Variants in FAM228B observed in about 807,000 individuals in gnomAD.
The protein encoded by FAM228B is family with sequence similarity 228 member B.
FAM228B carries 38 observed loss-of-function variants against 42.6 expected under a neutral mutation model. The observed-to-expected ratio is 0.89, with a 90% CI of 0.69 to 1.17. The LOEUF (loss-of-function observed/expected upper bound fraction) is 1.17. Ranked by LOEUF, FAM228B falls within the 50% of genes most tolerant of loss-of-function variation. The probability of loss-of-function intolerance (pLI) is 0.00; values close to 1 mark genes in which losing one functional copy is unlikely to be tolerated. For missense variants in FAM228B, 344 were observed against 367.3 expected, an observed-to-expected ratio of 0.94 and a Z score of 0.52; for synonymous variants, 109 against 122.3, an observed-to-expected ratio of 0.89 and a Z score of 0.72.
rs4149371 is a variant in FAM228B, at chr2:24,084,905, C to T, written c.-210+3950C>T. On this transcript the variant is annotated intron_variant, in intron 2 of 10. Transcript: ENST00000613899. This position sits in a 1 kb window ranked among gnomAD's most constrained non-coding sequence, Gnocchi z 8.4. ...GGGGCTAAGCAGAACCACCCTCCCC[C>T]TCTTTCCTTTCCTCCTTCCCCCTTT... 0.043 allele frequency: 6,550 copies of T among 152,670 alleles called. 214 individuals carry two copies. The highest frequency in any genetic ancestry group is 0.074 in the East Asian group (383 of 5,176). 9.5% of individuals were successfully genotyped at this position (152,670 alleles called of 1,614,324 possible).
At chr2:24,153,450 A>G (rs1303735794) in intron 7 of FAM228B, among the ~76,000 whole-genome samples, 1 of 152,184 alleles carries the variant, frequency 6.6e-6, no homozygotes, top group African/African-American at 2.4e-5. Context: ...AAGGCAGCAG[A>G]TTCCCTTTTG....
intron 2 of FAM228B, among the ~76,000 whole-genome samples, chr2:24,129,995 T>C (rs1019573150): frequency 3.3e-5 from 5 of 152,156 alleles, no homozygotes; most frequent in Admixed American, 1.3e-4. Context: ...CTGATGTGTG[T>C]TGTTCCCCTC....
chr2:24,147,011 G>T lies in FAM228B; in HGVS notation c.611G>T (p.Arg204Met). ...HSRFPQISNS[R>M]HFITPNEWLK... ...AGATTCCCACAAATTTCTAATTCAA[G>T]GCACTTTATAACTCCAAACGAGTGG... The change falls in exon 7 of 11, where the codon AGG becomes ATG. Residue 204 changes from arginine to methionine, a missense_variant. Arg to Met is a moderately conservative substitution (Grantham distance 91, BLOSUM62 -1). Coordinates refer to ENST00000615575, the MANE Select transcript of FAM228B (RefSeq NM_001145710.2). The T allele has an allele frequency of 1.9e-6, 3 of 1,551,306 alleles. No homozygotes were observed. Among genetic ancestry groups the T allele is most frequent in the Non-Finnish European group, 2.6e-6 (3 of 1,146,800 alleles).
chr2:24,093,351 T>G (rs1665429773), intron 2 of FAM228B, among the ~76,000 whole-genome samples: 1 of 151,840 alleles, frequency 6.6e-6, no homozygotes, highest in Non-Finnish European at 1.5e-5. Flanking sequence ...CCTCCGTGTG[T>G]CCACGTGTTC....
chr2:24,092,924 G>GCACACACA (rs3030954), intron 2 of FAM228B, among the ~76,000 whole-genome samples: 3,067 of 133,464 alleles, frequency 0.023, 63 homozygotes, highest in Middle Eastern at 0.034. Context: ...ATGATTTTAT[G>GCACACACA]CACACACACA....
At chr2:24,154,296 G>T (rs1573780130) in intron 7 of FAM228B, among the ~76,000 whole-genome samples, 1 of 152,180 alleles carries the variant, frequency 6.6e-6, no homozygotes, top group East Asian at 1.9e-4. Context: ...TCTGCCTCCA[G>T]CATCTTTTCA....
At chr2:24,150,611 G>A (rs951550081) in intron 7 of FAM228B, among the ~76,000 whole-genome samples, 16 of 151,894 alleles carry the variant, frequency 1.1e-4, no homozygotes, top group African/African-American at 3.6e-4. Flanking sequence ...TTTTAATAGC[G>A]ATGGGGTTTC....
At chr2:24,146,635 A>G in intron 5 of FAM228B, 113 bp from the exon 6 acceptor site, 1 of 629,030 alleles carries the variant, frequency 1.6e-6, no homozygotes, top group South Asian at 2.4e-5. Flanking sequence ...TAAATACCAT[A>G]TTATTTACCC....
At position 24,080,978 on chromosome 2, in the gene FAM228B, C is replaced by G; in HGVS notation, c.-210+23C>G. 1 of 1,614,152 alleles carries G rather than the reference C, an allele frequency of 6.2e-7. No homozygotes were observed. The highest frequency in any genetic ancestry group is 8.5e-7 in the Non-Finnish European group (1 of 1,180,028). ...CGGGTGAGTTGGATAGCAGCTGTGCCCACACCACTCAGTCCTGCATGGATT... is the reference window on the plus strand; with the variant it reads ...CGGGTGAGTTGGATAGCAGCTGTGCGCACACCACTCAGTCCTGCATGGATT... On this transcript the variant is annotated intron_variant, in intron 2 of 10. Transcript: ENST00000613899. The surrounding 1 kb of genome is among the most constrained non-coding windows in gnomAD (Gnocchi z 4.7).
intron 2 of FAM228B, chr2:24,081,078 A>T: frequency 6.5e-7 from 1 of 1,547,358 alleles, no homozygotes; most frequent in African/African-American, 1.4e-5. Context: ...ACTGCTACAC[A>T]TTCCCCACAC....
intron 3 of FAM228B, among the ~76,000 whole-genome samples, chr2:24,136,374 C>G (rs888566176): frequency 6.6e-6 from 1 of 152,162 alleles, no homozygotes; most frequent in African/African-American, 2.4e-5. Context: ...TAGGCACGTG[C>G]CAGCATGCCC....
Position 24,124,437 on chromosome 2 carries a change from C to T in FAM228B, c.76C>T (p.Pro26Ser), listed in dbSNP as rs1666248853. The change falls in exon 2 of 11, where the codon CCC (proline) becomes TCC (serine). Residue 26 changes from proline (P) to serine (S), a missense_variant. Physicochemically the swap from Pro to Ser is moderately conservative, Grantham distance 74. Transcript: ENST00000615575. The stretch of plus-strand genomic sequence containing the variant: ...CAAGAGCTCAAAAGAATGGTTGGAG[C>T]CCAAGCCCCTTTGTTTTATGGAGGT... Reference protein sequence around the residue: ...KLKSSKEWLEPKPLCFMEVLA... With the variant: ...KLKSSKEWLESKPLCFMEVLA... 6.4e-7 allele frequency: 1 copy of T among 1,550,674 alleles called. No individual in the cohort carries two copies. Among genetic ancestry groups the T allele is most frequent in the Admixed American group, 2.0e-5 (1 of 50,682 alleles).
intron 3 of FAM228B, chr2:24,115,418 G>A: frequency 1.6e-6 from 1 of 618,428 alleles, no homozygotes; most frequent in African/African-American, 1.8e-5. Flanking sequence ...AGTAATTCCA[G>A]TGAAAGAAGA....
chr2:24,101,427 G>A (rs115488181), intron 3 of FAM228B, among the ~76,000 whole-genome samples: 223 of 152,014 alleles, frequency 1.5e-3, no homozygotes, highest in Admixed American at 2.7e-3. Flanking sequence ...TATTTTCTGT[G>A]ACCACAGGGC....
intron 2 of FAM228B, 115 bp from the exon 3 acceptor site, chr2:24,135,004 C>T (rs1666546079): frequency 3.0e-6 from 2 of 666,568 alleles, no homozygotes; most frequent in Non-Finnish European, 2.6e-6. Flanking sequence ...AGGAAACAAA[C>T]TGCATGCATA....
intron 7 of FAM228B, among the ~76,000 whole-genome samples, chr2:24,150,528 G>A (rs1469622066): frequency 1.3e-5 from 2 of 152,056 alleles, no homozygotes; most frequent in Non-Finnish European, 2.9e-5. Context: ...AGGTTCCAGT[G>A]ATTCTTGTGC....
intron 3 of FAM228B, among the ~76,000 whole-genome samples, chr2:24,116,900 A>C (rs191289999): frequency 2.0e-5 from 3 of 151,896 alleles, no homozygotes; most frequent in East Asian, 3.9e-4. Context: ...AAAAAGAAAA[A>C]CAGAAACACA....
upstream of FAM228B, chr2:24,119,451 C>T: frequency 1.5e-6 from 1 of 669,084 alleles, no homozygotes; most frequent in East Asian, 2.8e-5. Flanking sequence ...ATGTAAATAA[C>T]CTCAGCATCC....
At chr2:24,153,722 G>A (rs147008149) in intron 7 of FAM228B, among the ~76,000 whole-genome samples, 27 of 152,254 alleles carry the variant, frequency 1.8e-4, no homozygotes, top group Non-Finnish European at 2.6e-4. Context: ...CCTAGGTCAC[G>A]TGCCACCCTA....
Sources: gnomAD v4.1 joint callset for allele counts (sites outside exome capture counted in the v4.1 genomes callset) on GRCh38, gnomAD v4.1.1 for gene constraint, Gnocchi (gnomAD v3.1) non-coding constraint, MANE v1.5 for transcripts, NCBI Gene and HGNC (gene_info 2026-07-23, HGNC 2026-07-21) for gene names.